The following FSTL4 variants were observed in gnomAD, a reference collection of about 807,000 sequenced individuals.
FSTL4 encodes follistatin like 4, also known as follistatin-related protein 4.
FSTL4 carries 28 observed loss-of-function variants against 78.2 expected under a neutral mutation model. That is an observed-to-expected ratio of 0.36 (90% CI 0.27 to 0.49). The LOEUF (loss-of-function observed/expected upper bound fraction) is 0.49. Among genes scored for constraint, FSTL4 ranks in the 20% least tolerant of loss-of-function variants. The probability of loss-of-function intolerance (pLI) is 0.98; values close to 1 mark genes in which losing one functional copy is unlikely to be tolerated. For synonymous variants in FSTL4, 422 were observed against 440.5 expected, an observed-to-expected ratio of 0.96 and a Z score of 0.53; for missense variants, 922 against 1,084.9, an observed-to-expected ratio of 0.85 and a Z score of 2.11.
intron 7 of FSTL4, among the ~76,000 whole-genome samples, chr5:133,234,764 A>G (rs1052209137): frequency 1.3e-5 from 2 of 152,230 alleles, no homozygotes; most frequent in Non-Finnish European, 2.9e-5. Context: ...CTCTCTGGGC[A>G]CTGGCTTCTC....
intron 6 of FSTL4, among the ~76,000 whole-genome samples, chr5:133,305,335 T>A (rs1395558623): frequency 6.6e-6 from 1 of 152,228 alleles, no homozygotes; most frequent in Non-Finnish European, 1.5e-5. Context: ...GAGTCTGAGT[T>A]CTGCCTCCGG....
intron 14 of FSTL4, among the ~76,000 whole-genome samples, chr5:133,204,920 G>A (rs1750446533): frequency 6.6e-6 from 1 of 152,012 alleles, no homozygotes; most frequent in Non-Finnish European, 1.5e-5. Flanking sequence ...GAATTTCCAG[G>A]AGCAGTTTTT....
intron 14 of FSTL4, chr5:133,208,033 T>G (rs570334967): frequency 6.6e-6 from 1 of 152,236 alleles, no homozygotes; most frequent in Non-Finnish European, 1.5e-5. Flanking sequence ...CTCATTCAAA[T>G]GTCCTCACCT....
At chr5:133,681,433 G>T in the FSTL4 span, among the ~76,000 whole-genome samples, 1 of 152,198 alleles carries the variant, frequency 6.6e-6, no homozygotes, top group South Asian at 2.1e-4. Flanking sequence ...GCTACCAGAC[G>T]GACTTGGCTG....
the FSTL4 span, among the ~76,000 whole-genome samples, chr5:133,712,060 G>A: frequency 6.6e-6 from 1 of 152,260 alleles, no homozygotes; most frequent in South Asian, 2.1e-4. Flanking sequence ...GGCCGCCCAA[G>A]AACAAGTGCC....
chr5:133,230,688 C>A (rs1044417362), intron 8 of FSTL4, among the ~76,000 whole-genome samples: 1 of 152,160 alleles, frequency 6.6e-6, no homozygotes, highest in Non-Finnish European at 1.5e-5. Context: ...TGCGTCTCCC[C>A]AGTTTTGCCC....
At chr5:133,321,622 G>A (rs1580614569) in intron 4 of FSTL4, among the ~76,000 whole-genome samples, 1 of 152,330 alleles carries the variant, frequency 6.6e-6, no homozygotes, top group South Asian at 2.1e-4. Flanking sequence ...GAGGCAGGTG[G>A]ATTACCTGAG....
At chr5:133,625,742 TATTCC>T in the FSTL4 span, among the ~76,000 whole-genome samples, 30 of 102,430 alleles carry the variant, frequency 2.9e-4, no homozygotes, top group African/African-American at 1.2e-3. Flanking sequence ...TATATATATA[TATTCC>T]ATATATATAT....
At chr5:133,483,746 C>G (rs1758075796) in intron 3 of FSTL4, among the ~76,000 whole-genome samples, 1 of 152,078 alleles carries the variant, frequency 6.6e-6, no homozygotes. Flanking sequence ...CAGGTAGGGG[C>G]CTCTGGGTAG....
chr5:133,628,075 G>A, the FSTL4 span, among the ~76,000 whole-genome samples: 1 of 152,108 alleles, frequency 6.6e-6, no homozygotes, highest in African/African-American at 2.4e-5. Context: ...TAAGAACAAA[G>A]ACACAACCTA....
chr5:133,654,898 T>C, the FSTL4 span, among the ~76,000 whole-genome samples: 5 of 152,180 alleles, frequency 3.3e-5, no homozygotes, highest in Admixed American at 6.5e-5. Flanking sequence ...GAGATTCTCC[T>C]TGGACATAAG....
the FSTL4 span, among the ~76,000 whole-genome samples, chr5:133,701,240 T>G: frequency 6.6e-6 from 1 of 150,550 alleles, no homozygotes; most frequent in Non-Finnish European, 1.5e-5. Flanking sequence ...CCGTCTCTAC[T>G]AAAAATACAA....
At chr5:133,738,923 C>G in the FSTL4 span, among the ~76,000 whole-genome samples, 2 of 152,192 alleles carry the variant, frequency 1.3e-5, no homozygotes, top group South Asian at 4.2e-4. Context: ...CCTACTCTCA[C>G]TCTTTCCATC....
chr5:133,626,746 T>C, the FSTL4 span, among the ~76,000 whole-genome samples: 1 of 152,146 alleles, frequency 6.6e-6, no homozygotes, highest in African/African-American at 2.4e-5. Context: ...GGATGGAGAA[T>C]GCACACCACG....
At chr5:133,579,272 C>T (rs1250661040) in intron 2 of FSTL4, among the ~76,000 whole-genome samples, 2 of 152,194 alleles carry the variant, frequency 1.3e-5, no homozygotes, top group East Asian at 3.8e-4. Flanking sequence ...TCAGATTATC[C>T]CAAGATCTCC....
At chr5:133,366,117 C>A (rs1483459534) in intron 4 of FSTL4, among the ~76,000 whole-genome samples, 2 of 152,226 alleles carry the variant, frequency 1.3e-5, no homozygotes, top group African/African-American at 4.8e-5. Flanking sequence ...GCTGCAACCA[C>A]AGTGGCCTTT....
chr5:133,583,218 G>C (rs775378041), intron 2 of FSTL4: 12 of 455,494 alleles, frequency 2.6e-5, no homozygotes, highest in South Asian at 1.9e-4. Flanking sequence ...AGTAACCACA[G>C]TTGGTATCAC....
the FSTL4 span, among the ~76,000 whole-genome samples, chr5:133,794,688 T>C: frequency 6.6e-6 from 1 of 152,200 alleles, no homozygotes; most frequent in African/African-American, 2.4e-5. Flanking sequence ...GTTCTATCAG[T>C]GGGCAAATCC....
chr5:133,335,525 G>A (rs370786429), intron 4 of FSTL4, among the ~76,000 whole-genome samples: 6 of 151,914 alleles, frequency 3.9e-5, no homozygotes, highest in East Asian at 3.9e-4. Context: ...AGCCACCCCC[G>A]GACAGGCCCA....
Sources: gnomAD v4.1 joint callset for allele counts (sites outside exome capture counted in the v4.1 genomes callset) on GRCh38, gnomAD v4.1.1 for gene constraint, MANE v1.5 for transcripts, NCBI Gene and HGNC (gene_info 2026-07-23, HGNC 2026-07-21) for gene names.